Variants in WWOX observed in about 807,000 individuals in gnomAD.
WWOX encodes WW domain-containing oxidoreductase.
WWOX carries 69 observed loss-of-function variants against 46.2 expected under a neutral mutation model. That is an observed-to-expected ratio of 1.49 (90% CI 1.23 to 1.82). WWOX has a LOEUF of 1.82. Ranked by LOEUF, WWOX falls within the 40% of genes most tolerant of loss-of-function variation. WWOX has a pLI of 0.00. For missense variants in WWOX, 919 were observed against 542.6 expected, an observed-to-expected ratio of 1.69 and a Z score of -6.89; for synonymous variants, 359 against 202.6, an observed-to-expected ratio of 1.77 and a Z score of -6.56.
chr16:78,710,401 T>C (rs2048413376), intron 8 of WWOX, among the ~76,000 whole-genome samples: 1 of 146,500 alleles, frequency 6.8e-6, no homozygotes. Flanking sequence ...GCATCTGCTA[T>C]GCAGCATTGG....
intron 6 of WWOX, among the ~76,000 whole-genome samples, chr16:78,422,663 G>GTATA (rs569996246): frequency 0.024 from 589 of 24,406 alleles, 111 homozygotes; most frequent in Admixed American, 0.035. Context: ...TTTTTTACAT[G>GTATA]TATATATATA....
At chr16:78,312,566 G>A (rs1203959132) in intron 5 of WWOX, among the ~76,000 whole-genome samples, 3 of 151,890 alleles carry the variant, frequency 2.0e-5, no homozygotes, top group African/African-American at 7.3e-5. Context: ...GTAGAGATGG[G>A]GTTTCACCAC....
chr16:78,356,630 C>G (rs534277116), intron 5 of WWOX, among the ~76,000 whole-genome samples: 2 of 152,290 alleles, frequency 1.3e-5, no homozygotes, highest in East Asian at 3.9e-4. Flanking sequence ...CGCCTGTAAT[C>G]CAAGCACTTT....
intron 5 of WWOX, among the ~76,000 whole-genome samples, chr16:78,336,809 C>G (rs930718538): frequency 6.6e-6 from 1 of 151,964 alleles, no homozygotes; most frequent in Non-Finnish European, 1.5e-5. Flanking sequence ...TGTTTGTTTT[C>G]GAGACGAAGT....
At chr16:78,994,420 C>G (rs572723562) in intron 8 of WWOX, 3 of 152,306 alleles carry the variant, frequency 2.0e-5, no homozygotes, top group Non-Finnish European at 4.4e-5. Context: ...ATAATACTTG[C>G]ATTTTTATCG....
At chr16:78,189,947 G>A (rs1567620836) in intron 5 of WWOX, among the ~76,000 whole-genome samples, 2 of 152,034 alleles carry the variant, frequency 1.3e-5, no homozygotes, top group African/African-American at 2.4e-5. Flanking sequence ...GAGCCACCAC[G>A]CCCGGCTCAA....
intron 5 of WWOX, among the ~76,000 whole-genome samples, chr16:78,381,199 G>T (rs531714861): frequency 6.6e-6 from 1 of 152,124 alleles, no homozygotes; most frequent in African/African-American, 2.4e-5. Context: ...AGGCAGTATC[G>T]CATCAGAGTC....
chr16:78,555,606 C>A (rs1198276247), intron 8 of WWOX, among the ~76,000 whole-genome samples: 2 of 141,010 alleles, frequency 1.4e-5, no homozygotes, highest in East Asian at 4.2e-4. Flanking sequence ...TTTTTTACTA[C>A]TTGCATTATT....
intron 8 of WWOX, among the ~76,000 whole-genome samples, chr16:78,850,788 C>G (rs2052423818): frequency 6.6e-6 from 1 of 152,100 alleles, no homozygotes; most frequent in South Asian, 2.1e-4. Context: ...TATTGATACC[C>G]CTGGTCTTTG....
chr16:78,778,661 G>T lies in WWOX; in HGVS notation c.1056+345909G>T, dbSNP rs1413492674. ...TGTGTTTTCTCAGTATGTGAAATGG[G>T]AACATCACTTACCATCTACTCACCT... is the stretch of plus-strand genomic sequence containing the variant. On this transcript the variant is annotated intron_variant, in intron 8 of 8. Coordinates refer to ENST00000566780, the MANE Select transcript of WWOX (RefSeq NM_016373.4). Among the ~76,000 whole-genome samples, 3 of 152,162 alleles carry T rather than the reference G, an allele frequency of 2.0e-5. No homozygotes were observed. In the East Asian group the frequency reaches 5.8e-4, roughly 29 times the overall value.
At chr16:79,135,693 G>A (rs893376112) in intron 8 of WWOX, among the ~76,000 whole-genome samples, 4 of 152,022 alleles carry the variant, frequency 2.6e-5, no homozygotes, top group Admixed American at 2.0e-4. Flanking sequence ...AAATCTAAGT[G>A]TCTGTGTAAC....
intron 5 of WWOX, among the ~76,000 whole-genome samples, chr16:78,352,659 C>A (rs1035649793): frequency 1.3e-5 from 2 of 152,222 alleles, no homozygotes; most frequent in Non-Finnish European, 2.9e-5. Flanking sequence ...TTAATGCCAT[C>A]TACAACCTTA....
intron 6 of WWOX, among the ~76,000 whole-genome samples, chr16:78,388,067 G>C (rs550478336): frequency 6.6e-6 from 1 of 152,142 alleles, no homozygotes; most frequent in Admixed American, 6.5e-5. Context: ...TTGCATGGCT[G>C]TGTCACCCAG....
intron 8 of WWOX, among the ~76,000 whole-genome samples, chr16:78,767,630 T>C (rs1295506883): frequency 6.6e-6 from 1 of 152,162 alleles, no homozygotes; most frequent in African/African-American, 2.4e-5. Flanking sequence ...GCTTAACCTT[T>C]TGAGAAACTG....
At chr16:79,112,732 G>C (rs529600951) in intron 8 of WWOX, among the ~76,000 whole-genome samples, 10 of 152,098 alleles carry the variant, frequency 6.6e-5, no homozygotes, top group Middle Eastern at 3.2e-3. Flanking sequence ...CTAGAATATA[G>C]AGTCGTAGAA....
At chr16:78,433,704 C>A (rs1286213588) in intron 8 of WWOX, among the ~76,000 whole-genome samples, 1 of 151,646 alleles carries the variant, frequency 6.6e-6, no homozygotes, top group African/African-American at 2.4e-5. Context: ...ATCTCACGAC[C>A]TTGGAAACTG....
At chr16:78,262,097 CAAAAAAA>C (rs752161345) in intron 5 of WWOX, among the ~76,000 whole-genome samples, 7 of 62,610 alleles carry the variant, frequency 1.1e-4, no homozygotes, top group African/African-American at 1.3e-4. Context: ...GAAACTCTGT[CAAAAAAA>C]AAAAAAAAAA....
At chr16:78,921,656 A>G (rs1442437962) in intron 8 of WWOX, among the ~76,000 whole-genome samples, 1 of 152,206 alleles carries the variant, frequency 6.6e-6, no homozygotes, top group African/African-American at 2.4e-5. Context: ...TGGAGGTAAG[A>G]GAGGAATGGG....
At chr16:78,759,936 C>T (rs1195789409) in intron 8 of WWOX, among the ~76,000 whole-genome samples, 1 of 152,138 alleles carries the variant, frequency 6.6e-6, no homozygotes, top group African/African-American at 2.4e-5. Context: ...CTTTCACTAT[C>T]CCTTCTTTTT....
Sources: allele counts gnomAD v4.1 joint callset (sites outside exome capture counted in the v4.1 genomes callset), GRCh38; gene constraint gnomAD v4.1.1; transcripts MANE v1.5; gene names NCBI Gene and HGNC (gene_info 2026-07-23, HGNC 2026-07-21).